PIK3R3: variants seen among roughly 807,000 people sequenced by gnomAD.
PIK3R3 encodes phosphatidylinositol 3-kinase regulatory subunit gamma.
In PIK3R3, 64 loss-of-function variants were observed where a neutral mutation model predicts 62.9. That is an observed-to-expected ratio of 1.02 (90% CI 0.83 to 1.25). PIK3R3 has a LOEUF of 1.25. Ranked by LOEUF, PIK3R3 falls within the 50% of genes most tolerant of loss-of-function variation. The pLI is 0.00. For synonymous variants in PIK3R3, 165 were observed against 189.0 expected, an observed-to-expected ratio of 0.87 and a Z score of 1.04; for missense variants, 614 against 561.6, an observed-to-expected ratio of 1.09 and a Z score of -0.94.
At chr1:46,171,925 C>CA in the PIK3R3 span, among the ~76,000 whole-genome samples, 1 of 152,180 alleles carries the variant, frequency 6.6e-6, no homozygotes, top group Admixed American at 6.5e-5. Context: ...TGGTGAAACT[C>CA]AGGGCTAGAG....
chr1:46,124,918 T>C (rs1654967756), intron 1 of PIK3R3, among the ~76,000 whole-genome samples: 1 of 149,102 alleles, frequency 6.7e-6, no homozygotes, highest in Non-Finnish European at 1.5e-5. Context: ...GCCAACATGG[T>C]GAAACCCCGT....
the PIK3R3 span, among the ~76,000 whole-genome samples, chr1:46,158,676 A>C: frequency 6.6e-6 from 1 of 152,260 alleles, no homozygotes; most frequent in Non-Finnish European, 1.5e-5. Context: ...ACTGCAGAAG[A>C]AAGATAAGCT....
intron 5 of PIK3R3, among the ~76,000 whole-genome samples, chr1:46,065,257 C>T (rs1439458510): frequency 6.6e-6 from 1 of 152,160 alleles, no homozygotes; most frequent in East Asian, 1.9e-4. Context: ...CAATCCAAGT[C>T]TAGCTAAAAA....
intron 6 of PIK3R3, among the ~76,000 whole-genome samples, chr1:46,059,209 C>T (rs545590829): frequency 2.6e-5 from 4 of 152,196 alleles, no homozygotes; most frequent in Admixed American, 6.5e-5. Flanking sequence ...TCCCTAGTCA[C>T]GTGGAACTGT....
the PIK3R3 span, among the ~76,000 whole-genome samples, chr1:46,149,545 G>C: frequency 6.0e-5 from 9 of 148,968 alleles, no homozygotes; most frequent in East Asian, 1.6e-3. Flanking sequence ...TTTTGTTTTT[G>C]TTTCTGTTTG....
the PIK3R3 span, among the ~76,000 whole-genome samples, chr1:46,142,495 G>A: frequency 6.6e-6 from 1 of 152,098 alleles, no homozygotes; most frequent in South Asian, 2.1e-4. Context: ...TCAGGAGATC[G>A]AGACCATCCT....
Position 46,043,687 on chromosome 1 carries a change from A to AGGG in PIK3R3, c.1369_1371dup (p.Pro457dup). The stretch of plus-strand genomic sequence containing the variant: ...CCACTTCCTCTTTATCTGCAAAGCG[A>AGGG]GGGCATCTGTGCATGAACAGGGTAG... On this transcript the variant is annotated inframe_insertion, in exon 10 of 10. Transcript: ENST00000262741. The AGGG allele has an allele frequency of 6.2e-7, 1 of 1,614,122 alleles. No individual in the cohort carries two copies. The highest frequency in any genetic ancestry group is 8.5e-7 in the Non-Finnish European group (1 of 1,179,936).
chr1:46,164,018 A>C, the PIK3R3 span, among the ~76,000 whole-genome samples: 36,885 of 152,122 alleles, frequency 0.24, 5,518 homozygotes, highest in South Asian at 0.42. Flanking sequence ...CCTACCTCTA[A>C]GGCCTTGCCA....
At chr1:46,105,857 T>A (rs936065000) in intron 1 of PIK3R3, among the ~76,000 whole-genome samples, 2 of 151,872 alleles carry the variant, frequency 1.3e-5, no homozygotes, top group Non-Finnish European at 2.9e-5. Context: ...AAAAATAAAT[T>A]AATTAATTAA....
chr1:46,158,176 A>G, the PIK3R3 span, among the ~76,000 whole-genome samples: 2 of 152,166 alleles, frequency 1.3e-5, no homozygotes, highest in South Asian at 4.1e-4. Flanking sequence ...GCAGTGAGAG[A>G]AATCATTTGA....
chr1:46,071,712 A>AAAAAAAAATATATAT (rs1472807815), intron 3 of PIK3R3, among the ~76,000 whole-genome samples: 1 of 24,644 alleles, frequency 4.1e-5, no homozygotes. Flanking sequence ...AAAAAAAAAA[A>AAAAAAAAATATATAT]ATATATATAT....
At chr1:46,093,817 T>C (rs1397049536) in intron 1 of PIK3R3, among the ~76,000 whole-genome samples, 1 of 146,582 alleles carries the variant, frequency 6.8e-6, no homozygotes, top group Non-Finnish European at 1.5e-5. Context: ...ATAATGCCAC[T>C]GCACTCCAGT....
intron 7 of PIK3R3, among the ~76,000 whole-genome samples, chr1:46,054,464 C>T (rs929522223): frequency 2.0e-5 from 3 of 150,064 alleles, no homozygotes; most frequent in Non-Finnish European, 4.4e-5. Context: ...TGCCACAGTT[C>T]CAATCTCTAG....
chr1:46,146,315 T>C, the PIK3R3 span, among the ~76,000 whole-genome samples: 1 of 152,198 alleles, frequency 6.6e-6, no homozygotes, highest in Non-Finnish European at 1.5e-5. Flanking sequence ...GGCTGTGCTA[T>C]CAGTGGTAAA....
chr1:46,165,120 C>T, the PIK3R3 span, among the ~76,000 whole-genome samples: 1 of 152,070 alleles, frequency 6.6e-6, no homozygotes, highest in Non-Finnish European at 1.5e-5. Flanking sequence ...CCAGCTCCTA[C>T]TCATATTTTG....
chr1:46,133,585 T>A (rs1053795365), upstream of PIK3R3, among the ~76,000 whole-genome samples: 1 of 152,144 alleles, frequency 6.6e-6, no homozygotes, highest in African/African-American at 2.4e-5. Flanking sequence ...ACTTGCCACC[T>A]TACCACTCAG....
At chr1:46,119,376 C>A (rs145447724) in intron 1 of PIK3R3, among the ~76,000 whole-genome samples, 2 of 152,204 alleles carry the variant, frequency 1.3e-5, no homozygotes, top group African/African-American at 4.8e-5. Context: ...TCCTCATAAC[C>A]CTATTGAATG....
At chr1:46,157,342 AG>A in the PIK3R3 span, among the ~76,000 whole-genome samples, 2 of 152,126 alleles carry the variant, frequency 1.3e-5, no homozygotes, top group African/African-American at 2.4e-5. Context: ...CATGTTGCCC[AG>A]GGTGGTCTCG....
chr1:46,169,361 A>G, the PIK3R3 span, among the ~76,000 whole-genome samples: 1 of 152,254 alleles, frequency 6.6e-6, no homozygotes, highest in African/African-American at 2.4e-5. Context: ...AACACCCATC[A>G]TAGGCATTGA....
Sources: allele counts gnomAD v4.1 joint callset (sites outside exome capture counted in the v4.1 genomes callset), GRCh38; gene constraint gnomAD v4.1.1; transcripts MANE v1.5; gene names NCBI Gene and HGNC (gene_info 2026-07-23, HGNC 2026-07-21).